The following TUT7 variants were observed in gnomAD, a reference collection of about 807,000 sequenced individuals.
The protein encoded by TUT7 is terminal uridylyl transferase 7.
In TUT7, 33 loss-of-function variants were observed where a neutral mutation model predicts 165.9. The observed-to-expected ratio is 0.20, with a 90% confidence interval of 0.15 to 0.27. The LOEUF (loss-of-function observed/expected upper bound fraction) is 0.27. TUT7 is among the 10% of genes least tolerant of loss of function. TUT7 has a pLI of 1.00. For missense variants in TUT7, 1,338 were observed against 1,762.3 expected (o/e 0.76, Z 4.31); for synonymous variants, 552 against 608.1 (o/e 0.91, Z 1.36).
chr9:86,353,515 T>C (rs1238287657), intron 1 of TUT7, among the ~76,000 whole-genome samples: 1 of 152,208 alleles, frequency 6.6e-6, no homozygotes, highest in Non-Finnish European at 1.5e-5. Flanking sequence ...TGTAGCATAG[T>C]AGAATATTAC....
Position 86,323,973 on chromosome 9 carries a change from A to T in TUT7, c.1790-13T>A. The T allele has an allele frequency of 6.6e-7, 1 of 1,505,336 alleles. No homozygotes were observed. Among genetic ancestry groups the T allele is most frequent in the Non-Finnish European group, 8.9e-7 (1 of 1,123,958 alleles). 93.2% of individuals were successfully genotyped at this position (1,505,336 alleles called of 1,614,324 possible). On this transcript the variant is annotated splice_polypyrimidine_tract_variant and intron_variant, in intron 12 of 26. Transcript: ENST00000375963. ...ACAGAGTAGGGATCTGTAATAAAAA[A>T]AAGAAAGAAAGAAAAATCCATCTCT...
At chr9:86,354,185 C>T (rs1832547942) in intron 1 of TUT7, 86 bp downstream of exon 1, 1 of 152,682 alleles carries the variant, frequency 6.5e-6, no homozygotes, top group African/African-American at 2.4e-5. Flanking sequence ...GGACTCGAAC[C>T]CGAGGGCTCA....
intron 10 of TUT7, among the ~76,000 whole-genome samples, chr9:86,332,412 A>G (rs1830404743): frequency 6.6e-6 from 1 of 152,182 alleles, no homozygotes; most frequent in East Asian, 1.9e-4. Context: ...GCTGGAGGCC[A>G]TTATCCTTAG....
Position 86,352,924 on chromosome 9 carries a change from G to A in TUT7, c.276C>T (p.Asp92=). The change falls in exon 2 of 27, where the codon GAC becomes GAT. Residue 92 remains aspartate (D), a synonymous_variant. Transcript: ENST00000375963. ...ATCTCTTACTCTGATCTTTGTGGCT[G>A]TCATTCATCCAAGCGGGTTGACTGT... is the stretch of plus-strand genomic sequence containing the variant. ...PIYSQPAWMN[D]SHKDQSKRWL... is the part of the protein sequence containing the mutation. 6.2e-7 allele frequency: 1 copy of A among 1,614,198 alleles called. No individual in the cohort carries two copies. The highest frequency in any genetic ancestry group is 8.5e-7 in the Non-Finnish European group (1 of 1,180,034).
At chr9:86,322,731 C>G (rs1165797857) in intron 13 of TUT7, 142 bp downstream of exon 13, 1 of 1,038,924 alleles carries the variant, frequency 9.6e-7, no homozygotes, top group East Asian at 2.6e-5. Context: ...GAAAAGCAGA[C>G]CGAGCAGTCA....
chr9:86,328,045 T>G (rs1829956635), intron 11 of TUT7, among the ~76,000 whole-genome samples: 1 of 152,180 alleles, frequency 6.6e-6, no homozygotes. Context: ...CATTTAAACC[T>G]CATAATACCA....
At chr9:86,309,090 T>G in intron 21 of TUT7, 122 bp downstream of exon 21, 1 of 620,658 alleles carries the variant, frequency 1.6e-6, no homozygotes, top group Non-Finnish European at 2.8e-6. Context: ...AACACTATTT[T>G]TTTTACTATC....
chr9:86,324,811 T>A (rs955282842), intron 12 of TUT7, among the ~76,000 whole-genome samples: 2 of 152,202 alleles, frequency 1.3e-5, no homozygotes, highest in African/African-American at 4.8e-5. Flanking sequence ...AAATGAGGCT[T>A]CACTAAAAAT....
At chr9:86,297,051 T>A (rs1826389671) in intron 26 of TUT7, among the ~76,000 whole-genome samples, 1 of 152,240 alleles carries the variant, frequency 6.6e-6, no homozygotes, top group Non-Finnish European at 1.5e-5. Context: ...TAATACTTTT[T>A]TTCCAGTTGC....
In TUT7 at chr9:86,323,886, A is replaced by G; in HGVS notation, c.1864T>C (p.Leu622=). The G allele has an allele frequency of 6.2e-7, 1 of 1,613,924 alleles. No homozygotes were observed. Among genetic ancestry groups the G allele is most frequent in the Non-Finnish European group, 8.5e-7 (1 of 1,179,834 alleles). ...GCAAAATACTTGTATGTTGTCCTTA[A>G]ACAATGAAGTATATATTCAAACACA... The part of the protein sequence containing the change: ...QPVFEYILHC[L]RTTYKYFALP... Residue 622 remains leucine (L), a synonymous_variant, in exon 13 of 27, where the codon TTA becomes CTA. Coordinates refer to ENST00000375963, the MANE Select transcript of TUT7 (RefSeq NM_024617.4).
chr9:86,334,614 G>A lies in TUT7; in HGVS notation c.1455+2805C>T, dbSNP rs151264785. Among the ~76,000 whole-genome samples the A allele has an allele frequency of 1.2e-3, 180 of 152,204 alleles. 3 individuals carry two copies. In the South Asian group the frequency reaches 0.019, roughly 16 times the overall value. On this transcript the variant is annotated intron_variant, in intron 10 of 26. Coordinates refer to ENST00000375963, the MANE Select transcript of TUT7 (RefSeq NM_024617.4). ...ATCCAAAAAGAATTGTTGATTTTCC[G>A]TTTGTTCAGTTTTTTTTCTTGTGAG...
At chr9:86,289,824 G>A (rs1825779992) in intron 26 of TUT7, among the ~76,000 whole-genome samples, 1 of 151,948 alleles carries the variant, frequency 6.6e-6, no homozygotes, top group Non-Finnish European at 1.5e-5. Context: ...AGGAGGAGGT[G>A]GGTAGAAATT....
chr9:86,353,729 C>T (rs1832499871), intron 1 of TUT7, among the ~76,000 whole-genome samples: 1 of 152,182 alleles, frequency 6.6e-6, no homozygotes, highest in Non-Finnish European at 1.5e-5. Flanking sequence ...CCCTTCACCA[C>T]CCCTATTCTG....
chr9:86,316,027 C>G (rs901483834), intron 17 of TUT7, among the ~76,000 whole-genome samples: 1 of 151,988 alleles, frequency 6.6e-6, no homozygotes, highest in Non-Finnish European at 1.5e-5. Context: ...TGTTCCTAAC[C>G]GAAATGTACA....
chr9:86,352,583 A>T (rs776015574), intron 2 of TUT7, 97 bp downstream of exon 2: 23 of 1,411,550 alleles, frequency 1.6e-5, no homozygotes, highest in Non-Finnish European at 2.3e-5. Flanking sequence ...TGAAAAACTG[A>T]AACTAAATTG....
intron 26 of TUT7, among the ~76,000 whole-genome samples, chr9:86,297,299 CT>C (rs958265639): frequency 1.3e-5 from 2 of 152,110 alleles, no homozygotes; most frequent in Admixed American, 1.3e-4. Context: ...GTTCTAAGTA[CT>C]TTTACATGGA....
chr9:86,323,451 G>C lies in TUT7; in HGVS notation c.2299C>G (p.Gln767Glu), dbSNP rs756545766. 6.2e-7 allele frequency: 1 copy of C among 1,614,208 alleles called. No homozygotes were observed. The highest frequency in any genetic ancestry group is 1.1e-5 in the South Asian group (1 of 91,084). The change falls in exon 13 of 27, where the codon CAG becomes GAG. Residue 767 changes from glutamine (Q) to glutamate (E), a missense_variant. Transcript: ENST00000375963. The part of the protein sequence containing the change: ...RKGKHLLTVD[Q>E]KRGEHVVCGS... ...CAGACAACATGCTCTCCACGTTTCT[G>C]ATCAACAGTCAACAGATGCTTGCCC...
chr9:86,289,835 C>A (rs1053455344), intron 26 of TUT7, among the ~76,000 whole-genome samples: 2 of 152,070 alleles, frequency 1.3e-5, no homozygotes, highest in African/African-American at 4.8e-5. Context: ...GGTAGAAATT[C>A]TGCTAAATAA....
At chr9:86,332,548 G>A (rs189894192) in intron 10 of TUT7, among the ~76,000 whole-genome samples, 6 of 152,250 alleles carry the variant, frequency 3.9e-5, no homozygotes, top group Admixed American at 2.6e-4. Context: ...CCTACTTGAA[G>A]GTTAAGGGTA....
Sources: gnomAD v4.1 joint callset for allele counts (sites outside exome capture counted in the v4.1 genomes callset) on GRCh38, gnomAD v4.1.1 for gene constraint, MANE v1.5 for transcripts, NCBI Gene and HGNC (gene_info 2026-07-23, HGNC 2026-07-21) for gene names.